RC3H1: variants seen among roughly 807,000 people sequenced by gnomAD.
RC3H1 encodes roquin-1.
A neutral mutation model predicts 138.2 loss-of-function variants in RC3H1; 50 were observed. The observed-to-expected ratio is 0.36, with a 90% CI of 0.29 to 0.46. The LOEUF (loss-of-function observed/expected upper bound fraction) is 0.46, where lower values mean the gene tolerates loss of function less well. Ranked by LOEUF, RC3H1 falls within the 20% of genes least tolerant of loss-of-function variation. The pLI is 1.00. For missense variants in RC3H1, 1,031 were observed against 1,388.1 expected, an observed-to-expected ratio of 0.74 and a Z score of 4.09; for synonymous variants, 462 against 489.1, an observed-to-expected ratio of 0.94 and a Z score of 0.73.
At chr1:173,956,875 T>C (rs1324630226) in intron 13 of RC3H1, among the ~76,000 whole-genome samples, 5 of 152,080 alleles carry the variant, frequency 3.3e-5, no homozygotes, top group Non-Finnish European at 7.4e-5. Context: ...CTATAATGTA[T>C]GAATTTAGTA....
chr1:173,952,249 C>T (rs762003261), intron 13 of RC3H1, 111 bp from the exon 14 acceptor site: 18 of 639,162 alleles, frequency 2.8e-5, no homozygotes, highest in Non-Finnish European at 3.7e-5. Context: ...CTTAGAACAT[C>T]GTGCTGAAGC....
At chr1:173,980,779 C>G (rs1158048328) in intron 6 of RC3H1, 30 bp downstream of exon 6, 2 of 1,560,690 alleles carry the variant, frequency 1.3e-6, no homozygotes, top group Non-Finnish European at 1.8e-6. Flanking sequence ...CAAGATTAGT[C>G]TAAGAAGTAA....
At chr1:173,979,524 T>A in intron 6 of RC3H1, among the ~76,000 whole-genome samples, 1 of 151,930 alleles carries the variant, frequency 6.6e-6, no homozygotes, top group East Asian at 1.9e-4. Context: ...GGTGTGGTAG[T>A]GCGTGCCTGT....
chr1:173,972,790 G>A (rs1660420760), intron 7 of RC3H1, among the ~76,000 whole-genome samples, 163 bp from the exon 8 acceptor site: 1 of 152,190 alleles, frequency 6.6e-6, no homozygotes, highest in Non-Finnish European at 1.5e-5. Context: ...TTAAAGGAAT[G>A]GACATATTCT....
intron 1 of RC3H1, among the ~76,000 whole-genome samples, chr1:174,018,425 A>T (rs1661902508): frequency 6.6e-6 from 1 of 152,238 alleles, no homozygotes; most frequent in Non-Finnish European, 1.5e-5. Flanking sequence ...TAAATATGCT[A>T]AAGTTAAGTG....
At chr1:173,955,634 C>T (rs562145448) in intron 13 of RC3H1, among the ~76,000 whole-genome samples, 3 of 151,956 alleles carry the variant, frequency 2.0e-5, no homozygotes, top group South Asian at 2.1e-4. Flanking sequence ...ATAAAGGAAT[C>T]TTGAGATAAA....
chr1:174,013,454 A>T (rs910365031), intron 1 of RC3H1, among the ~76,000 whole-genome samples: 50 of 151,288 alleles, frequency 3.3e-4, no homozygotes, highest in South Asian at 1.7e-3. Flanking sequence ...ATATATATAT[A>T]TTTTTTGAGA....
chr1:174,012,461 A>T (rs1661786069), intron 1 of RC3H1, among the ~76,000 whole-genome samples: 2 of 152,068 alleles, frequency 1.3e-5, no homozygotes, highest in Non-Finnish European at 2.9e-5. Flanking sequence ...AATAACTTCT[A>T]AAAGTAGCCC....
intron 19 of RC3H1, among the ~76,000 whole-genome samples, chr1:173,940,889 T>C (rs908007189): frequency 2.0e-5 from 3 of 151,950 alleles, no homozygotes; most frequent in African/African-American, 7.3e-5. Flanking sequence ...TGGCACGATC[T>C]TGGCTCACTG....
At position 173,931,275 on chromosome 1, in the gene RC3H1, C is replaced by T. The variant is rs1658369199; in HGVS notation, c.*7446G>A. The stretch of plus-strand genomic sequence containing the variant: ...AGAAAGCAGATAAAGACCTTGTAGA[C>T]ATTTTCATATATTTACAATCCAAAA... On this transcript the variant is annotated 3_prime_UTR_variant, in exon 20 of 20. Coordinates refer to ENST00000367696, the MANE Select transcript of RC3H1 (RefSeq NM_172071.4). The T allele has an allele frequency of 6.6e-6, 1 of 152,180 alleles. No individual in the cohort carries two copies. The highest frequency in any genetic ancestry group is 1.5e-5 in the Non-Finnish European group (1 of 68,028). The allele number at this position is 152,180 out of a possible 1,614,324, so 9.4% of individuals were successfully genotyped here. A position where few individuals can be genotyped will look rare whatever the true frequency, so the allele number is the denominator to read the frequency against.
chr1:173,945,751 G>A (rs922940613), intron 17 of RC3H1, among the ~76,000 whole-genome samples: 1 of 151,302 alleles, frequency 6.6e-6, no homozygotes, highest in Non-Finnish European at 1.5e-5. Flanking sequence ...ACTGTAGCCT[G>A]GGCTGGAGTG....
chr1:173,994,239 A>G (rs902436106), intron 1 of RC3H1, among the ~76,000 whole-genome samples: 7 of 151,620 alleles, frequency 4.6e-5, no homozygotes, highest in African/African-American at 1.7e-4. Flanking sequence ...CAAAAATATA[A>G]AAAATTAGCC....
intron 1 of RC3H1, among the ~76,000 whole-genome samples, chr1:174,007,489 G>C (rs937840184): frequency 6.6e-5 from 10 of 151,900 alleles, no homozygotes; most frequent in Non-Finnish European, 1.3e-4. Context: ...TTTGAGTCAG[G>C]GTCTTGCTTT....
intron 1 of RC3H1, among the ~76,000 whole-genome samples, chr1:174,017,263 T>G (rs1661877488): frequency 1.3e-5 from 2 of 152,158 alleles, no homozygotes; most frequent in Non-Finnish European, 1.5e-5. Context: ...AACATTAAAT[T>G]TTAGTTCTTA....
At chr1:173,967,348 A>G (rs1660165983) in intron 9 of RC3H1, among the ~76,000 whole-genome samples, 1 of 152,172 alleles carries the variant, frequency 6.6e-6, no homozygotes, top group Non-Finnish European at 1.5e-5. Flanking sequence ...AATTATGAAC[A>G]TGTACTTGCA....
intron 7 of RC3H1, 150 bp from the exon 8 acceptor site, chr1:173,972,777 AT>A: frequency 1.6e-6 from 1 of 613,252 alleles, no homozygotes; most frequent in South Asian, 2.0e-5. Flanking sequence ...CCTAACCATC[AT>A]TTTAAAGGAA....
chr1:173,966,532 T>C (rs938335739), intron 9 of RC3H1, among the ~76,000 whole-genome samples: 2 of 151,852 alleles, frequency 1.3e-5, no homozygotes, highest in East Asian at 3.9e-4. Context: ...CTGACCAATA[T>C]GGTGAAACCC....
Position 173,936,821 on chromosome 1 carries a change from A to G in RC3H1, c.*1900T>C, listed in dbSNP as rs1336601962. 1 of 143,720 alleles carries G rather than the reference A, an allele frequency of 7.0e-6. No homozygotes were observed. Among genetic ancestry groups the G allele is most frequent in the Non-Finnish European group, 1.5e-5 (1 of 65,728 alleles). 8.9% of individuals were successfully genotyped at this position (143,720 alleles called of 1,614,324 possible). A position where few individuals can be genotyped will look rare whatever the true frequency, so the allele number is the denominator to read the frequency against. On this transcript the variant is annotated 3_prime_UTR_variant, in exon 20 of 20. Coordinates refer to ENST00000367696, the MANE Select transcript of RC3H1 (RefSeq NM_172071.4). ...GTATAAGAAAACTGGAAAAAAAAAA[A>G]GCCTCACCTTCATTCAGTGCTTCTA...
intron 1 of RC3H1, among the ~76,000 whole-genome samples, chr1:174,017,281 A>G (rs1256831853): frequency 1.3e-5 from 2 of 152,198 alleles, no homozygotes; most frequent in Non-Finnish European, 2.9e-5. Context: ...TTATAACCCA[A>G]TGAAGAAATA....
Sources: gnomAD v4.1 joint callset for allele counts (sites outside exome capture counted in the v4.1 genomes callset) on GRCh38, gnomAD v4.1.1 for gene constraint, MANE v1.5 for transcripts, NCBI Gene and HGNC (gene_info 2026-07-23, HGNC 2026-07-21) for gene names.